TMPRSS11F: variants seen among roughly 807,000 people sequenced by gnomAD.
TMPRSS11F encodes the protein transmembrane serine protease 11F, also known as transmembrane protease serine 11F.
TMPRSS11F carries 47 observed loss-of-function variants against 60.2 expected under a neutral mutation model. The observed-to-expected ratio is 0.78, with a 90% CI of 0.62 to 1.00. The LOEUF is 1.00. TMPRSS11F is among the 50% of genes least tolerant of loss of function. TMPRSS11F has a pLI of 0.00. For missense variants in TMPRSS11F, 519 were observed against 522.9 expected (o/e 0.99, Z 0.07); for synonymous variants, 166 against 167.3 (o/e 0.99, Z 0.06).
At chr4:68,069,920 T>A (rs1381970689) in intron 6 of TMPRSS11F, 49 bp downstream of exon 6, 3 of 1,455,542 alleles carry the variant, frequency 2.1e-6, no homozygotes, top group Non-Finnish European at 2.8e-6. Flanking sequence ...ACTTTTTTCA[T>A]GATCTTTTAC....
intron 1 of TMPRSS11F, among the ~76,000 whole-genome samples, chr4:68,101,442 C>T (rs1049854516): frequency 3.6e-5 from 5 of 137,044 alleles, no homozygotes; most frequent in Non-Finnish European, 4.8e-5. Context: ...CTGTAATAAG[C>T]ATAATAAATA....
intron 1 of TMPRSS11F, among the ~76,000 whole-genome samples, chr4:68,112,550 T>A (rs1724427731): frequency 6.6e-6 from 1 of 152,190 alleles, no homozygotes; most frequent in African/African-American, 2.4e-5. Flanking sequence ...GGAGTTACAG[T>A]ACAGCCTATG....
intron 2 of TMPRSS11F, among the ~76,000 whole-genome samples, chr4:68,093,891 A>G (rs1194436911): frequency 7.6e-6 from 1 of 132,264 alleles, no homozygotes; most frequent in Non-Finnish European, 1.7e-5. Flanking sequence ...TTAAAAAGTC[A>G]GGAAACAACA....
chr4:68,095,478 T>A (rs11946540), intron 2 of TMPRSS11F, among the ~76,000 whole-genome samples: 64,143 of 152,060 alleles, frequency 0.42, 14,362 homozygotes, highest in Non-Finnish European at 0.52. Flanking sequence ...TAATGCTATA[T>A]CCTACACCAA....
intron 1 of TMPRSS11F, among the ~76,000 whole-genome samples, chr4:68,109,836 T>C (rs147339012): frequency 1.4e-4 from 22 of 152,292 alleles, no homozygotes; most frequent in African/African-American, 4.3e-4. Context: ...GGCAATTAAT[T>C]TGAAGTTGGT....
intron 9 of TMPRSS11F, among the ~76,000 whole-genome samples, chr4:68,056,175 A>G (rs1410373950): frequency 6.6e-6 from 1 of 152,170 alleles, no homozygotes; most frequent in Non-Finnish European, 1.5e-5. Flanking sequence ...AGTTGTCGCT[A>G]GAGAAATTAG....
rs1198048244 is a variant in TMPRSS11F at position 68,054,021 on chromosome 4, T to C, written c.1205A>G (p.Tyr402Cys). Reference protein sequence around the residue: ...PLVYDNHDIWYIVGIVSWGQS... With the variant: ...PLVYDNHDIWCIVGIVSWGQS... ...TCCCCAACTTACTATACCTACAATGTACCAGATGTCATGATTATCATAAAC... is the reference window on the plus strand; with the variant it reads ...TCCCCAACTTACTATACCTACAATGCACCAGATGTCATGATTATCATAAAC... Residue 402 changes from tyrosine (Y) to cysteine (C), a missense_variant, in exon 10 of 10, where the codon TAC (tyrosine) becomes TGC (cysteine). Tyr to Cys is a radical substitution (Grantham distance 194, BLOSUM62 -2). Coordinates refer to ENST00000356291, the MANE Select transcript of TMPRSS11F (RefSeq NM_207407.2). 3 of 1,613,430 alleles carry C rather than the reference T, an allele frequency of 1.9e-6. No individual in the cohort carries two copies. The Admixed American group carries it at 5.0e-5, about 27-fold the overall frequency.
At chr4:68,078,540 A>G (rs1723633496) in intron 3 of TMPRSS11F, among the ~76,000 whole-genome samples, 1 of 152,246 alleles carries the variant, frequency 6.6e-6, no homozygotes, top group Non-Finnish European at 1.5e-5. Flanking sequence ...CCAATGTTCC[A>G]CACATTGTCT....
In TMPRSS11F at chr4:68,099,038, T is replaced by A. The variant is rs769653800; in HGVS notation, c.12A>T (p.Ala4=). The stretch of plus-strand genomic sequence containing the variant: ...ATTCAGCTTCTGAAAATTCAACAGG[T>A]CTGTGATAACAGAAAGAAAATAGAG... MMY[A]PVEFSEAEFS... The change falls in exon 2 of 10, where the codon GCA becomes GCT. Residue 4 remains alanine (A), a splice_region_variant and synonymous_variant. Transcript: ENST00000356291. 1 of 1,610,578 alleles carries A rather than the reference T, an allele frequency of 6.2e-7. No homozygotes were observed. Among genetic ancestry groups the A allele is most frequent in the South Asian group, 1.1e-5 (1 of 90,398 alleles).
chr4:68,068,905 T>G (rs968067463), intron 6 of TMPRSS11F, 86 bp from the exon 7 acceptor site: 72 of 1,370,682 alleles, frequency 5.3e-5, no homozygotes, highest in Non-Finnish European at 7.0e-5. Context: ...GACAATCCTT[T>G]GTCCCTGCTA....
At chr4:68,083,756 T>G (rs1024425836) in intron 3 of TMPRSS11F, among the ~76,000 whole-genome samples, 1 of 152,178 alleles carries the variant, frequency 6.6e-6, no homozygotes, top group Admixed American at 6.5e-5. Flanking sequence ...GCAAGAACTC[T>G]GGCAATTCAA....
chr4:68,119,411 A>T (rs1394940998), intron 1 of TMPRSS11F, among the ~76,000 whole-genome samples: 2 of 152,192 alleles, frequency 1.3e-5, no homozygotes, highest in African/African-American at 4.8e-5. Flanking sequence ...ACAGATTTTC[A>T]ATATAGGCAA....
In TMPRSS11F at chr4:68,072,122, T is replaced by A. The variant is rs546950784; in HGVS notation, c.514+201A>T. Among the ~76,000 whole-genome samples, 210 of 149,386 alleles carry A rather than the reference T, an allele frequency of 1.4e-3. 2 individuals carry two copies. The highest frequency in any genetic ancestry group is 4.8e-3 in the African/African-American group (196 of 40,934). On this transcript the variant is annotated intron_variant, in intron 5 of 9. Coordinates refer to ENST00000356291, the MANE Select transcript of TMPRSS11F (RefSeq NM_207407.2). ...GCTTATTAAAAGCCCTAGTAAAATA[T>A]GAAAAAAGAAAAAGTTGTAATACTA...
In TMPRSS11F at chr4:68,053,975, T is replaced by C. The variant is rs1722991965; in HGVS notation, c.1251A>G (p.Lys417=). ...VSWGQSCALP[K]KPGVYTRVTK... is the part of the protein sequence containing the mutation. ...TTACTCTGGTGTAGACTCCAGGTTT[T>C]TTGGGAAGTGCACATGATTGTCCCC... Residue 417 remains lysine (K), a synonymous_variant, in exon 10 of 10, where the codon AAA becomes AAG. Transcript: ENST00000356291. 6.2e-7 allele frequency: 1 copy of C among 1,613,024 alleles called. No individual in the cohort carries two copies. Among genetic ancestry groups the C allele is most frequent in the Non-Finnish European group, 8.5e-7 (1 of 1,179,520 alleles).
chr4:68,108,393 A>T (rs1724343311), intron 1 of TMPRSS11F, among the ~76,000 whole-genome samples: 2 of 152,188 alleles, frequency 1.3e-5, no homozygotes, highest in South Asian at 4.1e-4. Context: ...TCTGGGATGG[A>T]GAGGGTGTAC....
intron 4 of TMPRSS11F, 106 bp from the exon 5 acceptor site, chr4:68,072,592 G>A: frequency 1.3e-6 from 1 of 746,344 alleles, no homozygotes; most frequent in Non-Finnish European, 1.9e-6. Context: ...TGATACATGT[G>A]CATACCAGAT....
At chr4:68,120,533 C>A (rs935286119) in intron 1 of TMPRSS11F, among the ~76,000 whole-genome samples, 37 of 150,614 alleles carry the variant, frequency 2.5e-4, no homozygotes, top group African/African-American at 8.8e-4. Flanking sequence ...GGACTACAGG[C>A]GCCCGCCACT....
rs537020566 is a variant in TMPRSS11F, at chr4:68,072,250, T to TATATATATATATATATATATATA, written c.514+72_514+73insTATATATATATATATATATATAT. On this transcript the variant is annotated intron_variant, in intron 5 of 9. Coordinates refer to ENST00000356291, the MANE Select transcript of TMPRSS11F (RefSeq NM_207407.2). ...AAAAAAATATATATATATATATATA[T>TATATATATATATATATATATATA]TGCTTACAAAAATTAAAGAGGGTTG... 455 of 223,620 alleles carry TATATATATATATATATATATATA rather than the reference T, an allele frequency of 2.0e-3. 2 individuals are homozygous for TATATATATATATATATATATATA. The highest frequency in any genetic ancestry group is 2.5e-3 in the Non-Finnish European group (305 of 120,724). The allele number at this position is 223,620 out of a possible 1,614,324, so 13.9% of individuals were successfully genotyped here. A position where few individuals can be genotyped will look rare whatever the true frequency, so the allele number is the denominator to read the frequency against.
intron 1 of TMPRSS11F, among the ~76,000 whole-genome samples, chr4:68,101,416 G>A (rs922508971): frequency 6.6e-6 from 1 of 151,650 alleles, no homozygotes; most frequent in Non-Finnish European, 1.5e-5. Context: ...GTGTTGGTTA[G>A]GCTGTTGTGA....
Sources: gnomAD v4.1 joint callset for allele counts (sites outside exome capture counted in the v4.1 genomes callset) on GRCh38, gnomAD v4.1.1 for gene constraint, MANE v1.5 for transcripts, NCBI Gene and HGNC (gene_info 2026-07-23, HGNC 2026-07-21) for gene names.